The following STAT5B variants were observed in gnomAD, a reference collection of about 807,000 sequenced individuals.
The protein encoded by STAT5B is transcription factor STAT5B.
A neutral mutation model predicts 107.8 loss-of-function variants in STAT5B; 21 were observed. The ratio of observed to expected loss-of-function variants is 0.19; its 90% confidence interval spans 0.14 to 0.28. STAT5B has a LOEUF of 0.28. STAT5B is among the 10% of genes least tolerant of loss of function. STAT5B has a pLI of 1.00. For missense variants in STAT5B, 565 were observed against 1,008.2 expected (o/e 0.56, Z 5.95); for synonymous variants, 325 against 401.7 (o/e 0.81, Z 2.28).
intron 1 of STAT5B, among the ~76,000 whole-genome samples, chr17:42,241,200 C>T (rs989223624): frequency 2.0e-5 from 3 of 151,826 alleles, no homozygotes; most frequent in East Asian, 2.0e-4. Flanking sequence ...ATTAGCCAGG[C>T]GTGGTGGTGC....
At chr17:42,210,923 G>A (rs1027224031) in intron 13 of STAT5B, among the ~76,000 whole-genome samples, 2 of 152,186 alleles carry the variant, frequency 1.3e-5, no homozygotes, top group African/African-American at 2.4e-5. Context: ...GGTGATAGCC[G>A]GGCATGGTGG....
chr17:42,202,000 A>T, intron 18 of STAT5B, 136 bp from the exon 19 acceptor site: 2 of 809,874 alleles, frequency 2.5e-6, no homozygotes, highest in Non-Finnish European at 4.1e-6. Context: ...AAGAACAACC[A>T]TTCAAACAGC....
At chr17:42,263,515 GT>G in intron 1 of STAT5B, among the ~76,000 whole-genome samples, 1 of 151,948 alleles carries the variant, frequency 6.6e-6, no homozygotes, top group Middle Eastern at 3.4e-3. Flanking sequence ...ATTATCATCT[GT>G]TTTTTTGTTT....
At chr17:42,258,635 C>T (rs140132271) in intron 1 of STAT5B, among the ~76,000 whole-genome samples, 2,345 of 152,340 alleles carry the variant, frequency 0.015, 52 homozygotes, top group African/African-American at 0.053. Flanking sequence ...TCTGAGATCA[C>T]GCCATTGCAC....
Position 42,223,466 on chromosome 17 carries a change from G to C in STAT5B, c.466C>G (p.Gln156Glu). The change falls in exon 5 of 19, where the codon CAG (glutamine) becomes GAG (glutamate). Residue 156 changes from glutamine to glutamate, a missense_variant. Gln to Glu is a conservative substitution (Grantham distance 29, BLOSUM62 2). Coordinates refer to ENST00000293328, the MANE Select transcript of STAT5B (RefSeq NM_012448.4). Reference protein sequence around the residue: ...QTFEELRLVTQDTENELKKLQ... With the variant: ...QTFEELRLVTEDTENELKKLQ... ...TTTTTTAACTCATTCTCTGTGTCCT[G>C]CGTGACCAGTCGCAGCTCCTCAAAC... The C allele has an allele frequency of 1.2e-6, 2 of 1,614,134 alleles. No individual in the cohort carries two copies. The highest frequency in any genetic ancestry group is 1.7e-6 in the Non-Finnish European group (2 of 1,180,036).
chr17:42,227,379 A>T, intron 3 of STAT5B, 150 bp downstream of exon 3: 1 of 166,014 alleles, frequency 6.0e-6, no homozygotes, highest in East Asian at 1.9e-4. Context: ...AATAAAAAGT[A>T]AAAAAAAAAA....
At chr17:42,265,410 C>A (rs142303612) in intron 1 of STAT5B, among the ~76,000 whole-genome samples, 1,559 of 94,158 alleles carry the variant, frequency 0.017, 44 homozygotes, top group African/African-American at 0.059. Context: ...CTCGCTCTGT[C>A]ACCAGGCTGG....
At chr17:42,274,964 T>C (rs2080752852) in intron 1 of STAT5B, 1 of 152,256 alleles carries the variant, frequency 6.6e-6, no homozygotes, top group Non-Finnish European at 1.5e-5. Flanking sequence ...AAGTATGATA[T>C]TCAGTGTCAC....
At chr17:42,282,250 T>C in the STAT5B span, among the ~76,000 whole-genome samples, 2 of 152,076 alleles carry the variant, frequency 1.3e-5, no homozygotes, top group East Asian at 3.9e-4. Context: ...ACAGATGGGA[T>C]TGAAGGGCAG....
intron 4 of STAT5B, 47 bp from the exon 5 acceptor site, chr17:42,223,603 G>C: frequency 1.2e-6 from 2 of 1,604,006 alleles, no homozygotes; most frequent in Non-Finnish European, 1.7e-6. Context: ...ATGGGAGGAA[G>C]ACTGAGGCCT....
intron 1 of STAT5B, among the ~76,000 whole-genome samples, chr17:42,255,933 C>A (rs892697511): frequency 2.0e-5 from 3 of 152,040 alleles, no homozygotes; most frequent in Non-Finnish European, 2.9e-5. Context: ...ACTAAAAATA[C>A]CAAAATTAGC....
In STAT5B at chr17:42,221,307, T is replaced by A. The variant is rs528566272; in HGVS notation, c.551-1465A>T. On this transcript the variant is annotated intron_variant, in intron 5 of 18. Coordinates refer to ENST00000293328, the MANE Select transcript of STAT5B (RefSeq NM_012448.4). ...GTGATCCCAACACCTGGGCCCAGCC[T>A]TCCTATGCAAGGGACCCACTTAGGG... 2.9e-3 allele frequency among the ~76,000 whole-genome samples: 434 copies of A among 151,380 alleles called. 3 individuals carry two copies. The highest frequency in any genetic ancestry group is 5.1e-3 in the Non-Finnish European group (349 of 68,016).
intron 1 of STAT5B, among the ~76,000 whole-genome samples, chr17:42,267,075 T>C (rs2080679392): frequency 1.3e-5 from 2 of 152,212 alleles, no homozygotes; most frequent in South Asian, 4.1e-4. Flanking sequence ...CTAGTGACGC[T>C]GTAGCCATCA....
Position 42,217,249 on chromosome 17 carries a change from C to A in STAT5B, c.1291G>T (p.Gly431Trp). 6.2e-7 allele frequency: 1 copy of A among 1,614,188 alleles called. No homozygotes were observed. Among genetic ancestry groups the A allele is most frequent in the Non-Finnish European group, 8.5e-7 (1 of 1,180,030 alleles). Residue 431 changes from glycine (G) to tryptophan (W), a missense_variant, in exon 11 of 19, where the codon GGG becomes TGG. This residue lies in a region of STAT5B where 127 missense variants were observed against 215.8 expected (regional missense o/e 0.59). Transcript: ENST00000293328. ...LKRIKRSDRR[G>W]AESVTEEKFT... ...TTTTCTTCTGTCACCGACTCTGCCC[C>A]ACGACGGTCTGACCTCTTAATTCGT...
chr17:42,207,858 A>AC, intron 15 of STAT5B, 130 bp from the exon 16 acceptor site: 3 of 915,150 alleles, frequency 3.3e-6, no homozygotes, highest in Non-Finnish European at 5.0e-6. Context: ...TTTAAAAATA[A>AC]CCATGGGTTA....
At chr17:42,276,974 C>G (rs529599088), upstream of STAT5B, among the ~76,000 whole-genome samples, 8 of 152,380 alleles carry the variant, frequency 5.3e-5, no homozygotes, top group East Asian at 1.9e-4. This position sits in a 1 kb window ranked among gnomAD's most constrained non-coding sequence, Gnocchi z 4.8. Context: ...ATTCACCTGT[C>G]CGAGTTCCAG....
At chr17:42,216,150 TTC>T in intron 11 of STAT5B, 44 bp from the exon 12 acceptor site, 1 of 1,527,972 alleles carries the variant, frequency 6.5e-7, no homozygotes. Context: ...GAGCCTCAAG[TTC>T]TTCTCCTTCT....
At chr17:42,263,976 A>G (rs377458098) in intron 1 of STAT5B, among the ~76,000 whole-genome samples, 1 of 152,004 alleles carries the variant, frequency 6.6e-6, no homozygotes, top group South Asian at 2.1e-4. Context: ...GCACAATTGT[A>G]TATGATTGTT....
At chr17:42,279,903 G>A (rs2080788695), upstream of STAT5B, among the ~76,000 whole-genome samples, 1 of 152,084 alleles carries the variant, frequency 6.6e-6, no homozygotes, top group South Asian at 2.1e-4. Flanking sequence ...CACCAAGCTA[G>A]ACCTGGCTGG....
Sources: allele counts gnomAD v4.1 joint callset (sites outside exome capture counted in the v4.1 genomes callset), GRCh38; gene constraint gnomAD v4.1.1; regional missense constraint gnomAD v4.1.1; non-coding constraint Gnocchi (gnomAD v3.1); transcripts MANE v1.5; gene names NCBI Gene and HGNC (gene_info 2026-07-23, HGNC 2026-07-21).